SUPT3H: variants seen among roughly 807,000 people sequenced by gnomAD.
SUPT3H encodes SPT3 homolog, SAGA and STAGA complex component, also known as transcription initiation protein SPT3 homolog.
In SUPT3H, 44 loss-of-function variants were observed where a neutral mutation model predicts 44.3. That is an observed-to-expected ratio of 0.99 (90% CI 0.78 to 1.28). The LOEUF (loss-of-function observed/expected upper bound fraction) is 1.28, where lower values mean the gene tolerates loss of function less well. SUPT3H is among the 50% of genes most tolerant of loss of function. The pLI is 0.00. For missense variants in SUPT3H, 380 were observed against 387.1 expected, an observed-to-expected ratio of 0.98 and a Z score of 0.15; for synonymous variants, 124 against 125.6, an observed-to-expected ratio of 0.99 and a Z score of 0.09.
chr6:45,314,214 T>TC (rs1784381740), intron 2 of SUPT3H, among the ~76,000 whole-genome samples: 1 of 151,986 alleles, frequency 6.6e-6, no homozygotes, highest in Non-Finnish European at 1.5e-5. Flanking sequence ...TTGAAAGTAT[T>TC]CCCCCTGAGA....
At chr6:45,296,146 TACATAC>T (rs1346280200) in intron 2 of SUPT3H, among the ~76,000 whole-genome samples, 1 of 150,600 alleles carries the variant, frequency 6.6e-6, no homozygotes, top group Non-Finnish European at 1.5e-5. Context: ...CATATACATA[TACATAC>T]ACACATATAC....
chr6:44,855,634 A>C (rs1229405251), intron 10 of SUPT3H, among the ~76,000 whole-genome samples: 2 of 151,984 alleles, frequency 1.3e-5, no homozygotes, highest in East Asian at 3.9e-4. Context: ...TGTAGACGAT[A>C]ATGCAGATAG....
At chr6:44,831,798 CG>C (rs1304073735) in intron 10 of SUPT3H, among the ~76,000 whole-genome samples, 2 of 152,022 alleles carry the variant, frequency 1.3e-5, no homozygotes, top group African/African-American at 4.8e-5. Context: ...TCTTTTCAGA[CG>C]GGGCAATATA....
At position 45,014,706 on chromosome 6, in the gene SUPT3H, C is replaced by A. The variant is rs560376281; in HGVS notation, c.364+95G>T. Reference sequence around the variant, plus strand: ...ATTTGTTGACAGTAAACAAAATTAACTAGTTCTCCAGTTACATTGGAATTG... The same window carrying A: ...ATTTGTTGACAGTAAACAAAATTAAATAGTTCTCCAGTTACATTGGAATTG... On this transcript the variant is annotated intron_variant, in intron 5 of 10. Transcript: ENST00000371459. 22 of 747,954 alleles carry A rather than the reference C, an allele frequency of 2.9e-5. No individual in the cohort carries two copies. The Admixed American group carries it at 7.2e-4, about 25-fold the overall frequency. The allele number at this position is 747,954 out of a possible 1,614,324, so 46.3% of individuals were successfully genotyped here.
intron 3 of SUPT3H, among the ~76,000 whole-genome samples, chr6:45,050,700 A>G (rs866469675): frequency 2.4e-4 from 37 of 152,262 alleles, no homozygotes; most frequent in Middle Eastern, 3.4e-3. Flanking sequence ...GTCAATGAGT[A>G]GGCATGTTAC....
chr6:45,003,826 G>T, intron 5 of SUPT3H, 34 bp from the exon 6 acceptor site: 1 of 1,610,870 alleles, frequency 6.2e-7, no homozygotes, highest in Middle Eastern at 1.7e-4. Flanking sequence ...AAAAAGAAAT[G>T]TTCTCAATAG....
chr6:44,884,797 C>A (rs901138444), intron 10 of SUPT3H, among the ~76,000 whole-genome samples: 4 of 152,078 alleles, frequency 2.6e-5, no homozygotes, highest in African/African-American at 9.7e-5. Context: ...GTGGGCGAGC[C>A]GAAGCAGGGC....
chr6:45,083,726 C>T (rs1409791127), intron 3 of SUPT3H, among the ~76,000 whole-genome samples: 4 of 151,050 alleles, frequency 2.6e-5, no homozygotes, highest in Non-Finnish European at 4.4e-5. Context: ...CAAACACCAT[C>T]GGTCTAGTAT....
chr6:45,364,576 G>A (rs1222117017), intron 2 of SUPT3H, among the ~76,000 whole-genome samples: 3 of 152,094 alleles, frequency 2.0e-5, no homozygotes, highest in Admixed American at 2.0e-4. Flanking sequence ...TAATAAATAT[G>A]CTACCTCTTA....
At chr6:45,058,136 C>T (rs1791427288) in intron 3 of SUPT3H, among the ~76,000 whole-genome samples, 1 of 151,886 alleles carries the variant, frequency 6.6e-6, no homozygotes, top group African/African-American at 2.4e-5. Context: ...AAACAGATTC[C>T]ATTTTAAACT....
chr6:45,214,473 A>G (rs1161923927), intron 2 of SUPT3H, among the ~76,000 whole-genome samples: 1 of 152,178 alleles, frequency 6.6e-6, no homozygotes, highest in East Asian at 1.9e-4. Context: ...AGAAACTTGT[A>G]TCTAATAATT....
intron 2 of SUPT3H, among the ~76,000 whole-genome samples, chr6:45,207,324 G>C (rs1294288504): frequency 6.6e-6 from 1 of 152,188 alleles, no homozygotes; most frequent in Non-Finnish European, 1.5e-5. Context: ...CAATATAAAG[G>C]TCAGTGGTGA....
chr6:45,223,039 A>T (rs1766321695), intron 2 of SUPT3H, among the ~76,000 whole-genome samples: 1 of 152,120 alleles, frequency 6.6e-6, no homozygotes, highest in Non-Finnish European at 1.5e-5. Flanking sequence ...ATAGGGAAAG[A>T]GGTAGAGAAT....
chr6:45,148,099 T>C (rs1806371362), intron 2 of SUPT3H, among the ~76,000 whole-genome samples: 1 of 152,152 alleles, frequency 6.6e-6, no homozygotes, highest in Non-Finnish European at 1.5e-5. Flanking sequence ...ACTAAATCTA[T>C]ATATGTAACA....
chr6:45,210,810 G>A (rs1763969539), intron 2 of SUPT3H, among the ~76,000 whole-genome samples: 1 of 152,186 alleles, frequency 6.6e-6, no homozygotes, highest in East Asian at 1.9e-4. Flanking sequence ...AAAAATTCAT[G>A]AGACTGACTT....
At chr6:44,846,567 A>G (rs1771901522) in intron 10 of SUPT3H, among the ~76,000 whole-genome samples, 1 of 152,142 alleles carries the variant, frequency 6.6e-6, no homozygotes, top group Non-Finnish European at 1.5e-5. Context: ...GAAACTGAGA[A>G]GGGTCTTTGG....
At chr6:44,823,728 GA>G (rs559399704), downstream of SUPT3H, among the ~76,000 whole-genome samples, 188 of 152,278 alleles carry the variant, frequency 1.2e-3, 1 homozygote, top group African/African-American at 4.3e-3. Context: ...TTGGGAGGCT[GA>G]GGCGGGTGGA....
intron 3 of SUPT3H, among the ~76,000 whole-genome samples, chr6:45,026,820 C>G (rs1786081771): frequency 6.6e-6 from 1 of 152,038 alleles, no homozygotes. Flanking sequence ...CTCCTCTTGA[C>G]TTTACCTATG....
chr6:44,933,077 G>A (rs116068552), intron 9 of SUPT3H, among the ~76,000 whole-genome samples: 1,782 of 152,014 alleles, frequency 0.012, 15 homozygotes, highest in Non-Finnish European at 0.019. Flanking sequence ...CTTACTGAAA[G>A]AACCACAGGA....
Sources: gnomAD v4.1 joint callset for allele counts (sites outside exome capture counted in the v4.1 genomes callset) on GRCh38, gnomAD v4.1.1 for gene constraint, MANE v1.5 for transcripts, NCBI Gene and HGNC (gene_info 2026-07-23, HGNC 2026-07-21) for gene names.